The following SHANK2 variants were observed in gnomAD, a reference collection of about 807,000 sequenced individuals.
SHANK2 encodes SH3 and multiple ankyrin repeat domains 2.
SHANK2 carries 43 observed loss-of-function variants against 133.7 expected under a neutral mutation model. The ratio of observed to expected loss-of-function variants is 0.32; its 90% CI spans 0.25 to 0.41. The LOEUF is 0.41. SHANK2 is among the 10% of genes least tolerant of loss of function. SHANK2 has a pLI of 1.00. For synonymous variants in SHANK2, 1,017 were observed against 952.8 expected (o/e 1.07, Z -1.24); for missense variants, 1,994 against 2,235.8 (o/e 0.89, Z 2.18).
In SHANK2 at chr11:70,830,030, C is replaced by A. The variant is rs1422479353; in HGVS notation, c.1175-9348G>T. Among the ~76,000 whole-genome samples the A allele has an allele frequency of 6.6e-6, 1 of 152,154 alleles. No individual in the cohort carries two copies. The highest frequency in any genetic ancestry group is 1.5e-5 in the Non-Finnish European group (1 of 68,040). On this transcript the variant is annotated intron_variant, in intron 11 of 25. Transcript: ENST00000601538. The surrounding 1 kb of genome is among the most constrained non-coding windows in gnomAD (Gnocchi z 4.4). ...GGCAGCAGCCTGTAAGAGCCTCCTT[C>A]CCCCACACCCACCACTTGCCCCCTT...
intron 1 of SHANK2, among the ~76,000 whole-genome samples, chr11:71,234,828 T>A (rs916802782): frequency 6.6e-6 from 1 of 152,072 alleles, no homozygotes; most frequent in African/African-American, 2.4e-5. Context: ...AGGCACCCCA[T>A]GAACGGAGGG....
Position 70,769,364 on chromosome 11 carries a change from T to C in SHANK2, c.1777+29079A>G, listed in dbSNP as rs564609258. Among the ~76,000 whole-genome samples, 33 of 152,294 alleles carry C rather than the reference T, an allele frequency of 2.2e-4. 1 individual carries two copies. Among genetic ancestry groups the C allele is most frequent in the African/African-American group, 7.5e-4 (31 of 41,558 alleles). The stretch of plus-strand genomic sequence containing the variant: ...TAAATGATGCGGTCACCCTGGCACA[T>C]AGACTCCTTCTAGGAGGATCCAGGA... On this transcript the variant is annotated intron_variant, in intron 14 of 25. Coordinates refer to ENST00000601538, the MANE Select transcript of SHANK2 (RefSeq NM_012309.5).
rs782372524 is a variant in SHANK2 at position 70,492,363 on chromosome 11, C to T, written c.2411G>A (p.Arg804Gln). 16 of 1,612,524 alleles carry T rather than the reference C, an allele frequency of 9.9e-6. No homozygotes were observed. The highest frequency in any genetic ancestry group is 2.2e-5 in the East Asian group (1 of 44,902). The change falls in exon 22 of 26, where the codon CGG (arginine) becomes CAG (glutamine). Residue 804 changes from arginine (R) to glutamine (Q), a missense_variant. Around this residue, in one of 5 missense-constraint regions of SHANK2, gnomAD observed 488 missense variants for 642.6 expected, o/e 0.76. Transcript: ENST00000601538. ...VATIKQRPSS[R>Q]CFPAGSDMNS... ...CATGTCTGAGCCCGCCGGGAAGCAC[C>T]GGCTGCTGGGCCGCTGCTTGATGGT... is the stretch of plus-strand genomic sequence containing the variant.
At chr11:70,819,265 T>G (rs1948469015) in intron 12 of SHANK2, among the ~76,000 whole-genome samples, 1 of 152,212 alleles carries the variant, frequency 6.6e-6, no homozygotes, top group Non-Finnish European at 1.5e-5. Flanking sequence ...CTTGCTACGT[T>G]CTGGCTGTGT....
intron 10 of SHANK2, among the ~76,000 whole-genome samples, chr11:70,904,117 C>T (rs1402499709): frequency 6.6e-6 from 1 of 152,198 alleles, no homozygotes; most frequent in African/African-American, 2.4e-5. Context: ...ACTTGTTCCT[C>T]GCTTGGTGTT....
intron 6 of SHANK2, among the ~76,000 whole-genome samples, chr11:71,100,991 T>C (rs969132728): frequency 1.3e-4 from 20 of 151,854 alleles, no homozygotes; most frequent in African/African-American, 4.8e-4. Context: ...GTAAGGAAGC[T>C]ATGCTGTGTA....
intron 15 of SHANK2, among the ~76,000 whole-genome samples, chr11:70,671,370 C>T (rs1259185860): frequency 3.9e-5 from 6 of 152,200 alleles, no homozygotes; most frequent in African/African-American, 4.8e-5. Context: ...ACGCCCCTGG[C>T]CAAGTTCCTC....
Position 70,611,986 on chromosome 11 carries a change from G to A in SHANK2, c.2061+47842C>T, listed in dbSNP as rs370954459. 3.7e-4 allele frequency among the ~76,000 whole-genome samples: 56 copies of A among 152,096 alleles called. No individual in the cohort carries two copies. In the East Asian group the frequency reaches 3.7e-3, roughly 10 times the overall value. Reference sequence around the variant, plus strand: ...GGAGGGGGGGCGGGTGGCGAGGGGCGTGAACACTGGGAAGGCATCACAGAA... The same window carrying A: ...GGAGGGGGGGCGGGTGGCGAGGGGCATGAACACTGGGAAGGCATCACAGAA... On this transcript the variant is annotated intron_variant, in intron 17 of 25. Transcript: ENST00000601538.
At chr11:70,846,566 A>G (rs1215231013) in intron 11 of SHANK2, among the ~76,000 whole-genome samples, 11 of 152,140 alleles carry the variant, frequency 7.2e-5, no homozygotes, top group Non-Finnish European at 4.4e-5. Context: ...TCATCTGTCA[A>G]TCAATAACAA....
At chr11:70,686,428 C>G (rs1349838921) in intron 15 of SHANK2, among the ~76,000 whole-genome samples, 3 of 150,536 alleles carry the variant, frequency 2.0e-5, no homozygotes, top group African/African-American at 7.3e-5. Context: ...ACCCATCCAT[C>G]CATTCATCTA....
At chr11:70,625,510 C>G (rs1554999633) in intron 17 of SHANK2, among the ~76,000 whole-genome samples, 2 of 152,136 alleles carry the variant, frequency 1.3e-5, no homozygotes, top group African/African-American at 4.8e-5. Flanking sequence ...GCAGGATATT[C>G]TGGGAGCCCA....
At chr11:70,563,602 G>A (rs1391107771) in intron 17 of SHANK2, among the ~76,000 whole-genome samples, 2 of 145,280 alleles carry the variant, frequency 1.4e-5, no homozygotes, top group East Asian at 2.0e-4. Flanking sequence ...GCAATGGTGT[G>A]ATCTTGGCTC....
At chr11:70,783,865 C>T (rs560818732) in intron 14 of SHANK2, among the ~76,000 whole-genome samples, 7 of 152,274 alleles carry the variant, frequency 4.6e-5, no homozygotes, top group Middle Eastern at 3.4e-3. Context: ...TCGGAAGGCC[C>T]GGAAGAGGAA....
intron 17 of SHANK2, among the ~76,000 whole-genome samples, chr11:70,615,730 G>A (rs2060731940): frequency 6.6e-6 from 1 of 152,250 alleles, no homozygotes. Context: ...TGGTGAACCT[G>A]CTCCACACCT....
intron 14 of SHANK2, among the ~76,000 whole-genome samples, chr11:70,784,364 T>TTGTTTTG (rs1947598259): frequency 7.5e-6 from 1 of 133,482 alleles, no homozygotes; most frequent in African/African-American, 3.3e-5. Context: ...TTTTTTTTTT[T>TTGTTTTG]TTTTTTTTTT....
chr11:70,525,704 C>T (rs1225505389), intron 17 of SHANK2, among the ~76,000 whole-genome samples: 1 of 152,066 alleles, frequency 6.6e-6, no homozygotes, highest in Non-Finnish European at 1.5e-5. Context: ...ACACCAGGTC[C>T]TGGATGGGAC....
intron 10 of SHANK2, among the ~76,000 whole-genome samples, chr11:70,928,101 T>C (rs981293472): frequency 1.3e-5 from 2 of 152,246 alleles, no homozygotes; most frequent in Admixed American, 1.3e-4. Flanking sequence ...TATACATGTA[T>C]CTTATTGGTT....
chr11:70,874,267 C>CTAAT (rs782095176), intron 11 of SHANK2, among the ~76,000 whole-genome samples: 2,889 of 152,128 alleles, frequency 0.019, 49 homozygotes, highest in Middle Eastern at 0.031. Context: ...CTAATCTAAT[C>CTAAT]CAATCTAATC....
intron 3 of SHANK2, among the ~76,000 whole-genome samples, chr11:71,135,049 C>CT (rs782678673): frequency 6.6e-6 from 1 of 152,160 alleles, no homozygotes; most frequent in African/African-American, 2.4e-5. Flanking sequence ...ACACACACTG[C>CT]TCCCGCAGCC....
Sources: gnomAD v4.1 joint callset for allele counts (sites outside exome capture counted in the v4.1 genomes callset) on GRCh38, gnomAD v4.1.1 for gene constraint, gnomAD v4.1.1 regional missense constraint, Gnocchi (gnomAD v3.1) non-coding constraint, MANE v1.5 for transcripts, NCBI Gene and HGNC (gene_info 2026-07-23, HGNC 2026-07-21) for gene names.